Variants in TWSG1 observed in about 807,000 individuals in gnomAD.
The protein encoded by TWSG1 is twisted gastrulation protein homolog 1.
In TWSG1, 15 loss-of-function variants were observed where a neutral mutation model predicts 23.0. That is an observed-to-expected ratio of 0.65 (90% CI 0.44 to 1.00). The LOEUF is 1.00. TWSG1 is among the 50% of genes least tolerant of loss of function. TWSG1 has a pLI of 0.00. For missense variants in TWSG1, 242 were observed against 278.7 expected (o/e 0.87, Z 0.94); for synonymous variants, 86 against 92.8 (o/e 0.93, Z 0.42).
Position 9,400,988 on chromosome 18 carries a change from T to G in TWSG1, c.*1461T>G. 3 of 152,266 alleles carry G rather than the reference T, an allele frequency of 2.0e-5. 1 individual carries two copies. In the Middle Eastern group the frequency reaches 0.01, roughly 518 times the overall value. The allele number at this position is 152,266 out of a possible 1,614,324, so 9.4% of individuals were successfully genotyped here. A position where few individuals can be genotyped will look rare whatever the true frequency, so the allele number is the denominator to read the frequency against. On this transcript the variant is annotated 3_prime_UTR_variant, in exon 5 of 5. Coordinates refer to ENST00000262120, the MANE Select transcript of TWSG1 (RefSeq NM_020648.6). ...AGTATATAAAAATAGATAATGCTCT[T>G]GGACACATTTTGTATTATTCATGAT...
At position 9,396,353 on chromosome 18, in the gene TWSG1, G is replaced by A. The variant is rs370039069; in HGVS notation, c.297G>A (p.Pro99=). Residue 99 remains proline, a synonymous_variant, in exon 4 of 5, where the codon CCG becomes CCA. Coordinates refer to ENST00000262120, the MANE Select transcript of TWSG1 (RefSeq NM_020648.6). ...GCACAGTGGAGGAGCTGCATGAACC[G>A]ATCCCTTCTCTCTTCCGGGCACTCA... ...SKSTVEELHE[P]IPSLFRALTE... 127 of 1,613,942 alleles carry A rather than the reference G, an allele frequency of 7.9e-5. No individual in the cohort carries two copies. The highest frequency in any genetic ancestry group is 4.0e-5 in the African/African-American group (3 of 74,870).
chr18:9,368,862 C>T (rs968461265), intron 3 of TWSG1, among the ~76,000 whole-genome samples: 5 of 151,914 alleles, frequency 3.3e-5, no homozygotes, highest in African/African-American at 4.8e-5. Flanking sequence ...GCAGGAGAAT[C>T]GCTTGAGCCT....
At chr18:9,337,516 C>T (rs2040428528) in intron 2 of TWSG1, among the ~76,000 whole-genome samples, 164 bp downstream of exon 2, 1 of 152,178 alleles carries the variant, frequency 6.6e-6, no homozygotes, top group Non-Finnish European at 1.5e-5. Context: ...TTTTTACCCT[C>T]ATAGCAATCA....
intron 3 of TWSG1, among the ~76,000 whole-genome samples, chr18:9,381,402 T>C (rs370155568): frequency 7.7e-4 from 118 of 152,330 alleles, no homozygotes; most frequent in African/African-American, 2.7e-3. Context: ...CACACAGCTA[T>C]GTAATTGGAA....
At chr18:9,354,176 C>A (rs919977163) in intron 2 of TWSG1, among the ~76,000 whole-genome samples, 1 of 152,076 alleles carries the variant, frequency 6.6e-6, no homozygotes, top group Non-Finnish European at 1.5e-5. Flanking sequence ...CAAATTCTAG[C>A]CACTAATTGA....
intron 3 of TWSG1, among the ~76,000 whole-genome samples, chr18:9,364,611 T>A (rs2040568821): frequency 6.6e-6 from 1 of 152,058 alleles, no homozygotes; most frequent in Non-Finnish European, 1.5e-5. Context: ...CTAGCCAACA[T>A]GACGAAATCC....
rs1156467156 is a variant in TWSG1, at chr18:9,387,754, GAGTGAAACTCTGTCTCAAA to G, written c.224-8524_224-8506del. On this transcript the variant is annotated intron_variant, in intron 3 of 4. Coordinates refer to ENST00000262120, the MANE Select transcript of TWSG1 (RefSeq NM_020648.6). Reference sequence around the variant, plus strand: ...CATTGTACTCTAGTCTGGGCAACAAGAGTGAAACTCTGTCTCAAAAAAAAAAAAAAAAAGCAAATTGCAG... The same window carrying G: ...CATTGTACTCTAGTCTGGGCAACAAGAAAAAAAAAAAAAAGCAAATTGCAG... Among the ~76,000 whole-genome samples the G allele has an allele frequency of 3.0e-5, 4 of 131,238 alleles. No homozygotes were observed. The Admixed American group carries it at 3.3e-4, about 11-fold the overall frequency. The allele number at this position is 131,238 out of a possible 152,430, so 86.1% of individuals were successfully genotyped here.
chr18:9,367,052 A>G (rs1281572237), intron 3 of TWSG1, among the ~76,000 whole-genome samples: 1 of 151,814 alleles, frequency 6.6e-6, no homozygotes, highest in Non-Finnish European at 1.5e-5. Flanking sequence ...TGATTTTCCC[A>G]CCTCAGCCTC....
At position 9,368,429 on chromosome 18, in the gene TWSG1, T is replaced by G. The variant is rs564528258; in HGVS notation, c.223+8358T>G. 2.2e-3 allele frequency among the ~76,000 whole-genome samples: 331 copies of G among 152,310 alleles called. 1 individual carries two copies. The highest frequency in any genetic ancestry group is 3.7e-3 in the Non-Finnish European group (249 of 68,018). ...TCTTGGCCAGGTTGGTCTTGAACTCTTGACCTCAGGATCCACTCGCCTCAG... is the reference window on the plus strand; with the variant it reads ...TCTTGGCCAGGTTGGTCTTGAACTCGTGACCTCAGGATCCACTCGCCTCAG... On this transcript the variant is annotated intron_variant, in intron 3 of 4. Transcript: ENST00000262120.
intron 2 of TWSG1, among the ~76,000 whole-genome samples, chr18:9,346,235 C>G (rs576677683): frequency 6.6e-6 from 1 of 152,170 alleles, no homozygotes; most frequent in Non-Finnish European, 1.5e-5. Context: ...TAGTTGGAAT[C>G]ATACAGAATG....
chr18:9,342,507 C>T (rs2040450337), intron 2 of TWSG1, among the ~76,000 whole-genome samples: 1 of 152,196 alleles, frequency 6.6e-6, no homozygotes, highest in Admixed American at 6.5e-5. Flanking sequence ...CACATAGGTA[C>T]TATGATTACA....
chr18:9,353,850 G>A (rs567411099), intron 2 of TWSG1, among the ~76,000 whole-genome samples: 6 of 152,190 alleles, frequency 3.9e-5, no homozygotes, highest in Admixed American at 2.6e-4. Context: ...CAGCTGAAGC[G>A]ACAACAAAAA....
At chr18:9,356,582 T>G (rs944697024) in intron 2 of TWSG1, among the ~76,000 whole-genome samples, 8 of 152,204 alleles carry the variant, frequency 5.3e-5, no homozygotes, top group Non-Finnish European at 1.2e-4. Flanking sequence ...ACTATATTCT[T>G]TGAATAGATT....
intron 3 of TWSG1, among the ~76,000 whole-genome samples, chr18:9,368,961 T>G: frequency 7.0e-6 from 1 of 143,310 alleles, no homozygotes; most frequent in East Asian, 2.1e-4. Context: ...AAAAAAAAAT[T>G]AGCTGAGTGT....
Position 9,344,740 on chromosome 18 carries a change from C to CT in TWSG1, c.123+7394dup, listed in dbSNP as rs558012897. Among the ~76,000 whole-genome samples, 126 of 151,052 alleles carry CT rather than the reference C, an allele frequency of 8.3e-4. 2 individuals carry two copies. In the East Asian group the frequency reaches 0.022, roughly 26 times the overall value. ...GAAATACCTATTGAAAACCAGTGCT[C>CT]TTTTTTGTGTGTGTGTGTTTGTTTT... On this transcript the variant is annotated intron_variant, in intron 2 of 4. Coordinates refer to ENST00000262120, the MANE Select transcript of TWSG1 (RefSeq NM_020648.6).
intron 3 of TWSG1, among the ~76,000 whole-genome samples, chr18:9,389,148 G>T (rs2040699675): frequency 6.6e-6 from 1 of 151,824 alleles, no homozygotes. Flanking sequence ...GGCTAATTTT[G>T]TATTTTTAGT....
chr18:9,362,331 C>T (rs2040556362), intron 3 of TWSG1, among the ~76,000 whole-genome samples: 1 of 152,062 alleles, frequency 6.6e-6, no homozygotes, highest in South Asian at 2.1e-4. Context: ...CCTCAGCCTC[C>T]CAAGTAGGTG....
intron 1 of TWSG1, among the ~76,000 whole-genome samples, chr18:9,336,935 C>T (rs1490222487): frequency 1.3e-5 from 2 of 152,050 alleles, no homozygotes; most frequent in East Asian, 1.9e-4. Flanking sequence ...GAAGGCCAGG[C>T]ATGGTGGTAT....
At chr18:9,336,128 C>T (rs1187936435) in intron 1 of TWSG1, among the ~76,000 whole-genome samples, 2 of 152,158 alleles carry the variant, frequency 1.3e-5, no homozygotes, top group Non-Finnish European at 2.9e-5. Flanking sequence ...CGCGGTAGCT[C>T]ACCCCTGTAA....
Sources: gnomAD v4.1 joint callset for allele counts (sites outside exome capture counted in the v4.1 genomes callset) on GRCh38, gnomAD v4.1.1 for gene constraint, MANE v1.5 for transcripts, NCBI Gene and HGNC (gene_info 2026-07-23, HGNC 2026-07-21) for gene names.